ELAVL4: variants seen among roughly 807,000 people sequenced by gnomAD.
The protein encoded by ELAVL4 is ELAV like RNA binding protein 4.
Under a neutral mutation model 35.6 loss-of-function variants are expected in ELAVL4, and 1 was observed. The ratio of observed to expected loss-of-function variants is 0.03; its 90% CI spans 0.01 to 0.13. ELAVL4 has a LOEUF of 0.13. ELAVL4 is among the 10% of genes least tolerant of loss of function. ELAVL4 has a pLI of 1.00. For missense variants in ELAVL4, 267 were observed against 464.9 expected, an observed-to-expected ratio of 0.57 and a Z score of 3.91; for synonymous variants, 156 against 171.0, an observed-to-expected ratio of 0.91 and a Z score of 0.69.
chr1:50,087,955 G>T (rs925161048), intron 1 of ELAVL4, among the ~76,000 whole-genome samples: 9 of 152,152 alleles, frequency 5.9e-5, no homozygotes, highest in African/African-American at 2.2e-4. Flanking sequence ...TAATATAAAA[G>T]CTTTATTGCC....
intron 1 of ELAVL4, among the ~76,000 whole-genome samples, chr1:50,121,439 GA>G (rs1669021594): frequency 6.6e-6 from 1 of 152,046 alleles, no homozygotes; most frequent in African/African-American, 2.4e-5. Context: ...GAATGAAATA[GA>G]AAAGAAAGTA....
Position 50,109,295 on chromosome 1 carries a change from T to C in ELAVL4, c.9+97T>C. The C allele has an allele frequency of 2.3e-6, 3 of 1,321,076 alleles. No homozygotes were observed. The South Asian group carries it at 3.9e-5, about 17-fold the overall frequency. The allele number at this position is 1,321,076 out of a possible 1,614,324, so 81.8% of individuals were successfully genotyped here. On this transcript the variant is annotated intron_variant, in intron 1 of 6. Coordinates refer to ENST00000371824, the MANE Select transcript of ELAVL4 (RefSeq NM_001144774.3). ...GTCTTATGCTTGCACAAGAGTTTAG[T>C]TCTGTGCTGCTGTTTGGTTCCTACA...
chr1:50,195,358 G>A (rs1359850452), intron 4 of ELAVL4, among the ~76,000 whole-genome samples: 4 of 152,156 alleles, frequency 2.6e-5, no homozygotes, highest in African/African-American at 9.7e-5. Flanking sequence ...TTCTGTGGCT[G>A]GGAGGCATCA....
intron 1 of ELAVL4, among the ~76,000 whole-genome samples, chr1:50,066,746 A>G (rs1011037366): frequency 6.6e-6 from 1 of 152,110 alleles, no homozygotes; most frequent in African/African-American, 2.4e-5. Flanking sequence ...TCTATAATTA[A>G]TATTCTTAGG....
rs535301716 is a variant in ELAVL4 at position 50,125,351 on chromosome 1, C to A, written c.9+16153C>A. ...ATGCTAGATTAGAGAGTTACACTAA[C>A]GAGTCCTTGTTTGTGGCACACAGTG... On this transcript the variant is annotated intron_variant, in intron 1 of 6. Coordinates refer to ENST00000371824, the MANE Select transcript of ELAVL4 (RefSeq NM_001144774.3). Among the ~76,000 whole-genome samples the A allele has an allele frequency of 2.0e-5, 3 of 152,068 alleles. No individual in the cohort carries two copies. In the South Asian group the frequency reaches 6.2e-4, roughly 32 times the overall value.
At chr1:50,185,547 G>A (rs1380668818) in intron 3 of ELAVL4, among the ~76,000 whole-genome samples, 1 of 152,202 alleles carries the variant, frequency 6.6e-6, no homozygotes, top group Non-Finnish European at 1.5e-5. Context: ...TAGTTCAGCT[G>A]TGTGACCTTG....
upstream of ELAVL4, among the ~76,000 whole-genome samples, chr1:50,099,169 T>C (rs1399093208): frequency 1.3e-5 from 2 of 152,200 alleles, no homozygotes; most frequent in Non-Finnish European, 2.9e-5. Context: ...TTTTCTTGAG[T>C]GCCCACCATA....
intron 1 of ELAVL4, among the ~76,000 whole-genome samples, chr1:50,054,873 G>A (rs1314634487): frequency 1.3e-5 from 2 of 152,186 alleles, no homozygotes; most frequent in Non-Finnish European, 2.9e-5. Flanking sequence ...AGCACTTACA[G>A]GATATCTCAG....
chr1:50,076,765 G>C (rs976681985), intron 1 of ELAVL4, among the ~76,000 whole-genome samples: 1 of 151,896 alleles, frequency 6.6e-6, no homozygotes, highest in African/African-American at 2.4e-5. Flanking sequence ...AGAGGGGGAG[G>C]GGAAATATTT....
chr1:50,099,064 G>T (rs1191102111), upstream of ELAVL4, among the ~76,000 whole-genome samples: 1 of 152,210 alleles, frequency 6.6e-6, no homozygotes, highest in East Asian at 1.9e-4. Flanking sequence ...AGAAAGTTAT[G>T]TATTAGTGAA....
At chr1:50,189,982 G>A (rs1383014254) in intron 3 of ELAVL4, among the ~76,000 whole-genome samples, 1 of 152,194 alleles carries the variant, frequency 6.6e-6, no homozygotes, top group African/African-American at 2.4e-5. Flanking sequence ...GGAGAGCTGA[G>A]GAGCTTGGAG....
intron 2 of ELAVL4, among the ~76,000 whole-genome samples, chr1:50,148,357 T>A (rs1674116023): frequency 6.6e-6 from 1 of 152,198 alleles, no homozygotes; most frequent in South Asian, 2.1e-4. Context: ...GTCTATCTAA[T>A]GTACCATGGC....
upstream of ELAVL4, among the ~76,000 whole-genome samples, chr1:50,100,330 C>T (rs1242606157): frequency 2.6e-5 from 4 of 152,148 alleles, no homozygotes; most frequent in South Asian, 4.1e-4. Context: ...ATCATAACAT[C>T]CCTCTGTTTA....
chr1:50,195,176 A>G (rs1477758868), intron 4 of ELAVL4, among the ~76,000 whole-genome samples: 2 of 152,246 alleles, frequency 1.3e-5, no homozygotes, highest in African/African-American at 2.4e-5. Context: ...AAAGCATATC[A>G]TGTGGTCAGA....
chr1:50,133,582 GAAAGAAAGAAAGAAAGA>G (rs1174123952), intron 1 of ELAVL4, among the ~76,000 whole-genome samples: 75 of 105,836 alleles, frequency 7.1e-4, no homozygotes, highest in Non-Finnish European at 1.1e-3. Flanking sequence ...AAGAGAGAGA[GAAAGAAAGAAAGAAAGA>G]AAAGAAAGAA....
At position 50,193,782 on chromosome 1, in the gene ELAVL4, G is replaced by A. The variant is rs528644967; in HGVS notation, c.372G>A (p.Pro124=). ...TKTIKVSYAR[P]SSASIRDANL... ...TTTCCTAGGTCTCATATGCCCGTCC[G>A]AGCTCTGCCTCAATCAGGGATGCTA... The change falls in exon 4 of 7, where the codon CCG becomes CCA. Residue 124 remains proline (P), a synonymous_variant. Coordinates refer to ENST00000371824, the MANE Select transcript of ELAVL4 (RefSeq NM_001144774.3). 3.6e-5 allele frequency: 58 copies of A among 1,613,764 alleles called. No homozygotes were observed. In the South Asian group the frequency reaches 5.2e-4, roughly 14 times the overall value.
At chr1:50,105,318 T>C (rs1666214284), upstream of ELAVL4, among the ~76,000 whole-genome samples, 1 of 152,208 alleles carries the variant, frequency 6.6e-6, no homozygotes, top group Non-Finnish European at 1.5e-5. Context: ...CATTGCTCTG[T>C]GTTGATTGTA....
At chr1:50,057,818 T>C (rs1200699356) in intron 1 of ELAVL4, among the ~76,000 whole-genome samples, 5 of 152,214 alleles carry the variant, frequency 3.3e-5, no homozygotes, top group African/African-American at 9.6e-5. Flanking sequence ...AACACGTGAC[T>C]GTACTATAAT....
At chr1:50,168,805 C>A (rs1449784010) in intron 2 of ELAVL4, among the ~76,000 whole-genome samples, 1 of 151,958 alleles carries the variant, frequency 6.6e-6, no homozygotes, top group Non-Finnish European at 1.5e-5. Flanking sequence ...GGGGTCTAAT[C>A]ATATTAAGCA....
Sources: allele counts gnomAD v4.1 joint callset (sites outside exome capture counted in the v4.1 genomes callset), GRCh38; gene constraint gnomAD v4.1.1; transcripts MANE v1.5; gene names NCBI Gene and HGNC (gene_info 2026-07-23, HGNC 2026-07-21).